Variants in SLC30A5 observed in about 807,000 individuals in gnomAD.
SLC30A5 encodes the protein solute carrier family 30 member 5, also known as proton-coupled zinc antiporter SLC30A5.
In SLC30A5, 33 loss-of-function variants were observed where a neutral mutation model predicts 79.6. That is an observed-to-expected ratio of 0.41 (90% CI 0.31 to 0.55). The LOEUF is 0.55. Among genes scored for constraint, SLC30A5 ranks in the 20% least tolerant of loss-of-function variants. SLC30A5 has a pLI of 0.20. For synonymous variants in SLC30A5, 299 were observed against 319.7 expected (o/e 0.94, Z 0.69); for missense variants, 788 against 928.1 (o/e 0.85, Z 1.96).
intron 8 of SLC30A5, 102 bp downstream of exon 8, chr5:69,115,509 G>T: frequency 5.3e-6 from 5 of 934,684 alleles, no homozygotes; most frequent in South Asian, 4.6e-5. Context: ...TTTAATTTGA[G>T]GTTGAAAGTG....
chr5:69,096,853 G>A (rs956993791), intron 1 of SLC30A5, among the ~76,000 whole-genome samples: 3 of 151,786 alleles, frequency 2.0e-5, no homozygotes, highest in Non-Finnish European at 4.4e-5. Flanking sequence ...CCAGCTACTT[G>A]GGAGGCTAAG....
At chr5:69,126,716 G>A (rs62371187) in intron 14 of SLC30A5, among the ~76,000 whole-genome samples, 2,519 of 151,144 alleles carry the variant, frequency 0.017, 46 homozygotes, top group South Asian at 0.058. Context: ...GTTGCAGTGA[G>A]CCGAGATCAC....
chr5:69,129,932 G>A lies in SLC30A5; in HGVS notation c.*315G>A, dbSNP rs1053700448. On this transcript the variant is annotated 3_prime_UTR_variant, in exon 16 of 16. Transcript: ENST00000396591. ...ATTACTTCTGTTTACTTTCTATCAG[G>A]AAGCATCTCCATTGTAAATATGTAT... 1 of 179,886 alleles carries A rather than the reference G, an allele frequency of 5.6e-6. No homozygotes were observed. 11.1% of individuals were successfully genotyped at this position (179,886 alleles called of 1,614,324 possible). A position where few individuals can be genotyped will look rare whatever the true frequency, so the allele number is the denominator to read the frequency against.
chr5:69,129,531 C>A lies in SLC30A5; in HGVS notation c.2212C>A (p.Leu738Ile), dbSNP rs747466638. Residue 738 changes from leucine to isoleucine, a missense_variant, in exon 16 of 16, where the codon CTA (leucine) becomes ATA (isoleucine). Physicochemically the swap from Leu to Ile is conservative, Grantham distance 5. This residue lies in a region of SLC30A5 where 158 missense variants were observed against 156.2 expected (regional missense o/e 1.01). Transcript: ENST00000396591. ...KEAYFQHMSG[L>I]STGFHDVLAM... Reference sequence around the variant, plus strand: ...GGCATACTTTCAACATATGTCTGGCCTAAGTACTGGATTTCATGATGTTCT... The same window carrying A: ...GGCATACTTTCAACATATGTCTGGCATAAGTACTGGATTTCATGATGTTCT... The A allele has an allele frequency of 5.0e-6, 8 of 1,613,482 alleles. No homozygotes were observed. In the South Asian group the frequency reaches 8.8e-5, roughly 18 times the overall value.
rs61749603 is a variant in SLC30A5 at position 69,118,507 on chromosome 5, G to A, written c.1448G>A (p.Arg483Gln). 16,775 of 1,592,538 alleles carry A rather than the reference G, an allele frequency of 0.011. 139 individuals are homozygous for A. Among genetic ancestry groups the A allele is most frequent in the Middle Eastern group, 0.012 (70 of 5,900 alleles). ...ATRIFSYGYGRIEILSGFING... is the reference protein window; with the variant it reads ...ATRIFSYGYGQIEILSGFING... ...ATGTTCTATGTTTTTAGGTACGGCC[G>A]AATAGAAATTCTGTCTGGATTTATT... is the stretch of plus-strand genomic sequence containing the variant. Residue 483 changes from arginine to glutamine, a missense_variant, in exon 12 of 16, where the codon CGA becomes CAA. Arg to Gln is a conservative substitution (Grantham distance 43). Around this residue, in one of 3 missense-constraint regions of SLC30A5, gnomAD observed 626 missense variants for 755.5 expected, o/e 0.83. Coordinates refer to ENST00000396591, the MANE Select transcript of SLC30A5 (RefSeq NM_022902.5).
chr5:69,129,456 A>G lies in SLC30A5; in HGVS notation c.2137A>G (p.Ile713Val), dbSNP rs760469095. 49 of 1,610,902 alleles carry G rather than the reference A, an allele frequency of 3.0e-5. No homozygotes were observed. Among genetic ancestry groups the G allele is most frequent in the Non-Finnish European group, 3.6e-5 (43 of 1,179,010 alleles). ...TGGATTTTTATAACAGGTTACAGGA[A>G]TACTTAAAGATGCTGGAGTAAACAA... ...EQRIVQQVTGILKDAGVNNLT... is the reference protein window; with the variant it reads ...EQRIVQQVTGVLKDAGVNNLT... Residue 713 changes from isoleucine (I) to valine (V), a missense_variant, in exon 16 of 16, where the codon ATA becomes GTA. This residue lies in a region of SLC30A5 where 158 missense variants were observed against 156.2 expected (regional missense o/e 1.01). Coordinates refer to ENST00000396591, the MANE Select transcript of SLC30A5 (RefSeq NM_022902.5).
Position 69,108,433 on chromosome 5 carries a change from A to G in SLC30A5, c.444A>G (p.Ala148=), listed in dbSNP as rs758551258. ...TCACCAGTTCTGGAGGAGGACCAGC[A>G]AAGGTAGAATTTTCCATTATCAGTT... The part of the protein sequence containing the change: ...VLFTSSGGGP[A]KTRGAAFFII... Residue 148 remains alanine (A), a synonymous_variant, in exon 5 of 16, where the codon GCA becomes GCG. Coordinates refer to ENST00000396591, the MANE Select transcript of SLC30A5 (RefSeq NM_022902.5). 1.2e-6 allele frequency: 2 copies of G among 1,609,440 alleles called. No homozygotes were observed. The highest frequency in any genetic ancestry group is 2.2e-5 in the East Asian group (1 of 44,858).
intron 2 of SLC30A5, 25 bp downstream of exon 2, chr5:69,100,954 T>C: frequency 6.5e-7 from 1 of 1,534,672 alleles, no homozygotes; most frequent in Non-Finnish European, 8.8e-7. Flanking sequence ...GGGTTTTTTC[T>C]TGATATTTTT....
In SLC30A5 at chr5:69,110,931, G is replaced by T. The variant is rs952537290; in HGVS notation, c.448-2209G>T. Among the ~76,000 whole-genome samples the T allele has an allele frequency of 6.6e-5, 10 of 151,632 alleles. No individual in the cohort carries two copies. In the East Asian group the frequency reaches 1.9e-3, roughly 29 times the overall value. ...TTTTCCTCCTTAAGTAACTAGAAGTGAGAGTGTTCTCATTAGTGTGAGAAA... is the reference window on the plus strand; with the variant it reads ...TTTTCCTCCTTAAGTAACTAGAAGTTAGAGTGTTCTCATTAGTGTGAGAAA... On this transcript the variant is annotated intron_variant, in intron 5 of 15. Transcript: ENST00000396591.
Position 69,123,284 on chromosome 5 carries a change from C to T in SLC30A5, c.1857C>T (p.Phe619=), listed in dbSNP as rs770381988. 1.2e-6 allele frequency: 2 copies of T among 1,613,868 alleles called. No homozygotes were observed. The highest frequency in any genetic ancestry group is 4.5e-5 in the East Asian group (2 of 44,884). The part of the protein sequence containing the change: ...STVLIEQFGW[F]IADPLCSLFI... ...TTCTTATAGAGCAGTTTGGATGGTT[C>T]ATCGCTGACCCACTCTGTTCTCTTT... Residue 619 remains phenylalanine, a synonymous_variant, in exon 14 of 16, where the codon TTC becomes TTT. Coordinates refer to ENST00000396591, the MANE Select transcript of SLC30A5 (RefSeq NM_022902.5).
intron 14 of SLC30A5, among the ~76,000 whole-genome samples, chr5:69,124,255 A>G (rs974947199): frequency 1.3e-5 from 2 of 152,062 alleles, no homozygotes; most frequent in African/African-American, 4.8e-5. Flanking sequence ...AGTAACAATA[A>G]TAATAGGTTG....
In SLC30A5 at chr5:69,100,862, CT is replaced by C; in HGVS notation, c.143del (p.Phe48SerfsTer7). The C allele has an allele frequency of 2.5e-6, 4 of 1,608,468 alleles. No individual in the cohort carries two copies. The highest frequency in any genetic ancestry group is 3.4e-6 in the Non-Finnish European group (4 of 1,176,290). On this transcript the variant is annotated frameshift_variant, in exon 2 of 16. Transcript: ENST00000396591. LOFTEE classifies it high-confidence loss of function. ...CACTAAATTTTTGAAGGCTGTGGGA[CT>C]TTTCGAATCATATGATCTCCTAAAA... Reference protein sequence around the residue: ...CFTKFLKAVGLFESYDLLKAV... With the variant: ...CFTKFLKAVGXFESYDLLKAV...
At chr5:69,094,986 A>G (rs954578390) in intron 1 of SLC30A5, among the ~76,000 whole-genome samples, 2 of 152,150 alleles carry the variant, frequency 1.3e-5, no homozygotes, top group Non-Finnish European at 2.9e-5. Context: ...CAACAGGTGC[A>G]GCGACCACTT....
intron 4 of SLC30A5, among the ~76,000 whole-genome samples, chr5:69,107,038 T>C (rs1276256124): frequency 6.6e-6 from 1 of 152,088 alleles, no homozygotes; most frequent in African/African-American, 2.4e-5. Context: ...CTAACTTTTG[T>C]ATCTTTTTTG....
In SLC30A5 at chr5:69,121,701, C is replaced by T; in HGVS notation, c.1577C>T (p.Ser526Leu). The T allele has an allele frequency of 6.2e-7, 1 of 1,605,164 alleles. No individual in the cohort carries two copies. Among genetic ancestry groups the T allele is most frequent in the African/African-American group, 1.3e-5 (1 of 74,730 alleles). Residue 526 changes from serine to leucine, a missense_variant, in exon 13 of 16, where the codon TCA (serine) becomes TTA (leucine). Physicochemically the swap from Ser to Leu is moderately radical, Grantham distance 145. This residue lies in a region of SLC30A5 where 626 missense variants were observed against 755.5 expected (regional missense o/e 0.83). Coordinates refer to ENST00000396591, the MANE Select transcript of SLC30A5 (RefSeq NM_022902.5). Reference sequence around the variant, plus strand: ...TTTTCTCCCTTTTGCTAGCCAGTCTCAGTTGGAGGGCTGATAGTAAACCTT... The same window carrying T: ...TTTTCTCCCTTTTGCTAGCCAGTCTTAGTTGGAGGGCTGATAGTAAACCTT... Reference protein sequence around the residue: ...ELDTHMLTPVSVGGLIVNLIG... With the variant: ...ELDTHMLTPVLVGGLIVNLIG...
chr5:69,118,765 C>T, intron 12 of SLC30A5, 137 bp downstream of exon 12: 3 of 501,654 alleles, frequency 6.0e-6, no homozygotes, highest in South Asian at 3.8e-5. Context: ...TCCTATCTTG[C>T]TGTTTACATT....
intron 11 of SLC30A5, among the ~76,000 whole-genome samples, chr5:69,117,946 C>A (rs921427081): frequency 1.3e-5 from 2 of 150,078 alleles, no homozygotes; most frequent in East Asian, 2.0e-4. Flanking sequence ...GAGGCCGAGG[C>A]GGGCGGATCA....
At chr5:69,104,794 C>T (rs558823742) in intron 4 of SLC30A5, 78 bp downstream of exon 4, 27 of 1,414,436 alleles carry the variant, frequency 1.9e-5, no homozygotes, top group South Asian at 1.5e-4. Flanking sequence ...CTGTGTTTTA[C>T]GTCAAATATT....
chr5:69,109,454 T>C (rs1288060961), intron 5 of SLC30A5, among the ~76,000 whole-genome samples: 1 of 152,116 alleles, frequency 6.6e-6, no homozygotes, highest in East Asian at 1.9e-4. Context: ...TGTATGTATG[T>C]ATGCATGTAG....
Sources: allele counts gnomAD v4.1 joint callset (sites outside exome capture counted in the v4.1 genomes callset), GRCh38; gene constraint gnomAD v4.1.1; regional missense constraint gnomAD v4.1.1; transcripts MANE v1.5; gene names NCBI Gene and HGNC (gene_info 2026-07-23, HGNC 2026-07-21).